Variants in PAN2 observed in about 807,000 individuals in gnomAD.
The protein encoded by PAN2 is poly(A) specific ribonuclease subunit PAN2.
A neutral mutation model predicts 133.3 loss-of-function variants in PAN2; 68 were observed. The ratio of observed to expected loss-of-function variants is 0.51; its 90% confidence interval spans 0.42 to 0.62. The LOEUF is 0.62. Ranked by LOEUF, PAN2 falls within the 20% of genes least tolerant of loss-of-function variation. The pLI is 0.00. For synonymous variants in PAN2, 462 were observed against 544.6 expected (o/e 0.85, Z 2.11); for missense variants, 1,042 against 1,500.5 (o/e 0.69, Z 5.05).
Position 56,327,392 on chromosome 12 carries a change from A to G in PAN2, c.891T>C (p.Thr297=). ...ACTGAGAGATGATAGCAAGACGAGAAGTATATGTAGGAATGAAGCGCAAGA... is the reference window on the plus strand; with the variant it reads ...ACTGAGAGATGATAGCAAGACGAGAGGTATATGTAGGAATGAAGCGCAAGA... ...PAFLRFIPTY[T]SRLAIISQSG... Residue 297 remains threonine (T), a synonymous_variant, in exon 6 of 26, where the codon ACT becomes ACC. Transcript: ENST00000440411. The G allele has an allele frequency of 6.2e-7, 1 of 1,614,180 alleles. No homozygotes were observed.
intron 8 of PAN2, 92 bp from the exon 9 acceptor site, chr12:56,325,546 C>A (rs1426634522): frequency 7.3e-7 from 1 of 1,366,530 alleles, no homozygotes. Flanking sequence ...GCCACCAAGT[C>A]CTGAACCTTC....
rs989256338 is a variant in PAN2, at chr12:56,326,618, T to G, written c.1261A>C (p.Arg421=). The change falls in exon 7 of 26, where the codon AGG becomes CGG. Residue 421 remains arginine (R), a splice_region_variant and synonymous_variant. Transcript: ENST00000440411. ...TTTGGCCCAGAGGTAGGGTACAACC[T>G]GGGAGCTGGAGCAGAGTTGGCAGCA... ...WPAANSAPAP[R]RAPPVDAEIL... is the part of the protein sequence containing the mutation. The G allele has an allele frequency of 5.0e-6, 8 of 1,610,848 alleles. No individual in the cohort carries two copies. The highest frequency in any genetic ancestry group is 6.8e-6 in the Non-Finnish European group (8 of 1,177,814).
In PAN2 at chr12:56,317,439, A is replaced by C; in HGVS notation, c.*170T>G. On this transcript the variant is annotated 3_prime_UTR_variant, in exon 26 of 26. Coordinates refer to ENST00000440411, the MANE Select transcript of PAN2 (RefSeq NM_014871.6). Reference sequence around the variant, plus strand: ...TGAATCTGGCTCCTAGAACCTTTGCAACAATTCTGCTGTGTTCCAGTTCAA... The same window carrying C: ...TGAATCTGGCTCCTAGAACCTTTGCCACAATTCTGCTGTGTTCCAGTTCAA... 1 of 632,014 alleles carries C rather than the reference A, an allele frequency of 1.6e-6. No homozygotes were observed. The highest frequency in any genetic ancestry group is 2.9e-6 in the Non-Finnish European group (1 of 348,364). The allele number at this position is 632,014 out of a possible 1,614,324, so 39.2% of individuals were successfully genotyped here. A position where few individuals can be genotyped will look rare whatever the true frequency, so the allele number is the denominator to read the frequency against.
Position 56,327,490 on chromosome 12 carries a change from G to C in PAN2, c.793C>G (p.Arg265Gly), listed in dbSNP as rs759493723. 6.2e-7 allele frequency: 1 copy of C among 1,614,232 alleles called. No homozygotes were observed. Among genetic ancestry groups the C allele is most frequent in the Non-Finnish European group, 8.5e-7 (1 of 1,180,044 alleles). The change falls in exon 6 of 26, where the codon CGT becomes GGT. Residue 265 changes from arginine (R) to glycine (G), a missense_variant. Physicochemically the swap from Arg to Gly is moderately radical, Grantham distance 125 (BLOSUM62 -2). Transcript: ENST00000440411. ...SSRLTGLACD[R>G]FLKVYDLRMM... ...CGCAAATCATACACCTTGAGGAAAC[G>C]GTCGCAGGCCAGGCCAGTGAGGCGG...
In PAN2 at chr12:56,323,127, G is replaced by A. The variant is rs761017797; in HGVS notation, c.2428C>T (p.Arg810Cys). The change falls in exon 17 of 26, where the codon CGC becomes TGC. Residue 810 changes from arginine (R) to cysteine (C), a missense_variant. Coordinates refer to ENST00000440411, the MANE Select transcript of PAN2 (RefSeq NM_014871.6). The part of the protein sequence containing the change: ...LKNVWLPFSI[R>C]MKMTKNKGLD... ...CCTTTGTTTTTGGTCATCTTCATGC[G>A]AATGGAGAAAGGAAGCCAGACGTTC... 6.2e-6 allele frequency: 10 copies of A among 1,613,956 alleles called. No individual in the cohort carries two copies. The highest frequency in any genetic ancestry group is 4.0e-5 in the African/African-American group (3 of 74,866).
At chr12:56,330,875 T>G (rs1875757699) in intron 2 of PAN2, among the ~76,000 whole-genome samples, 1 of 152,068 alleles carries the variant, frequency 6.6e-6, no homozygotes. Flanking sequence ...CTCAGCTCAC[T>G]GCAACCTCTG....
In PAN2 at chr12:56,325,399, G is replaced by A; in HGVS notation, c.1415C>T (p.Thr472Ile). 6.2e-7 allele frequency: 1 copy of A among 1,614,188 alleles called. No homozygotes were observed. The highest frequency in any genetic ancestry group is 8.5e-7 in the Non-Finnish European group (1 of 1,180,020). The change falls in exon 9 of 26, where the codon ACT (threonine) becomes ATT (isoleucine). Residue 472 changes from threonine to isoleucine, a missense_variant. Thr to Ile is a moderately conservative substitution (Grantham distance 89). Around this residue, in one of 3 missense-constraint regions of PAN2, gnomAD observed 908 missense variants for 1,223.5 expected, o/e 0.74. Transcript: ENST00000440411. ...DSEFDSFSQV[T>I]ESPVGREEEP... ...CTCTTCTCGTCCTACTGGTGACTCA[G>A]TGACCTGGCTGAAGCTGTCAAATTC...
Position 56,323,867 on chromosome 12 carries a change from G to C in PAN2, c.2112C>G (p.Ser704Arg). The change falls in exon 14 of 26, where the codon AGC becomes AGG. Residue 704 changes from serine to arginine, a missense_variant. Coordinates refer to ENST00000440411, the MANE Select transcript of PAN2 (RefSeq NM_014871.6). ...CCTGTGTATTCTGGTCCAGGCAGAT[G>C]CTTCGCTTCAGCACCTGAGCAAAGT... ...NYDFAQVLKRSICLDQNTQAW... is the reference protein window; with the variant it reads ...NYDFAQVLKRRICLDQNTQAW... 1.2e-6 allele frequency: 2 copies of C among 1,614,180 alleles called. No individual in the cohort carries two copies. The highest frequency in any genetic ancestry group is 1.7e-6 in the Non-Finnish European group (2 of 1,179,988).
At chr12:56,318,473 A>G (rs139810000) in intron 24 of PAN2, 39 bp from the exon 25 acceptor site, 5 of 1,537,818 alleles carry the variant, frequency 3.3e-6, no homozygotes, top group Non-Finnish European at 4.5e-6. Context: ...GGACCCAGCA[A>G]AGGGAGGTAG....
chr12:56,317,785 T>C, intron 25 of PAN2, 142 bp from the exon 26 acceptor site: 2 of 714,206 alleles, frequency 2.8e-6, no homozygotes, highest in Non-Finnish European at 5.0e-6. Context: ...GAGGAAGTTA[T>C]AGTTAATGGA....
intron 5 of PAN2, 47 bp downstream of exon 5, chr12:56,327,948 T>C: frequency 6.2e-7 from 1 of 1,612,612 alleles, no homozygotes; most frequent in Non-Finnish European, 8.5e-7. Context: ...ATCAGGTATC[T>C]AGTGAAACAG....
intron 10 of PAN2, 113 bp downstream of exon 10, chr12:56,324,896 G>T: frequency 7.1e-7 from 1 of 1,409,036 alleles, no homozygotes; most frequent in African/African-American, 1.4e-5. Flanking sequence ...TTGTAGAGGA[G>T]ACCATGGTAA....
At chr12:56,326,231 CAAAA>C (rs1464899617) in intron 8 of PAN2, 78 bp downstream of exon 8, 2 of 1,320,462 alleles carry the variant, frequency 1.5e-6, no homozygotes, top group African/African-American at 1.5e-5. Flanking sequence ...GATCTAAAAA[CAAAA>C]GAAAGACTAG....
chr12:56,327,729 CT>C, intron 5 of PAN2, 98 bp from the exon 6 acceptor site: 1 of 1,399,472 alleles, frequency 7.1e-7, no homozygotes, highest in Non-Finnish European at 9.8e-7. Context: ...GGAACTAGGG[CT>C]TTAGGACAGG....
intron 2 of PAN2, among the ~76,000 whole-genome samples, chr12:56,331,721 T>G (rs1192309184): frequency 1.3e-5 from 2 of 151,678 alleles, no homozygotes; most frequent in East Asian, 1.9e-4. Flanking sequence ...TTTTGTTTTT[T>G]GTTTTTTTTT....
chr12:56,324,263 G>A, intron 12 of PAN2, 31 bp downstream of exon 12: 1 of 1,611,582 alleles, frequency 6.2e-7, no homozygotes, highest in Non-Finnish European at 8.5e-7. Context: ...CTGTCATGAT[G>A]GCTTTAACTA....
intron 10 of PAN2, 100 bp from the exon 11 acceptor site, chr12:56,324,809 GGAGTCCACCGAAGCAGT>G: frequency 1.4e-6 from 2 of 1,476,296 alleles, no homozygotes; most frequent in Non-Finnish European, 9.1e-7. Context: ...CCCAGAAGCA[GGAGTCCACCGAAGCAGT>G]GAGTCCACCA....
intron 5 of PAN2, 182 bp from the exon 6 acceptor site, chr12:56,327,813 A>G (rs1489533405): frequency 3.0e-6 from 4 of 1,316,420 alleles, no homozygotes; most frequent in Admixed American, 2.8e-5. Context: ...CTTCATTATC[A>G]TAGAAAACAT....
chr12:56,321,517 A>G (rs1292808218), intron 20 of PAN2, among the ~76,000 whole-genome samples: 2 of 146,432 alleles, frequency 1.4e-5, no homozygotes, highest in African/African-American at 5.0e-5. Flanking sequence ...GCCATAAGCC[A>G]CTGTGCCTGG....
Sources: gnomAD v4.1 joint callset for allele counts (sites outside exome capture counted in the v4.1 genomes callset) on GRCh38, gnomAD v4.1.1 for gene constraint, gnomAD v4.1.1 regional missense constraint, MANE v1.5 for transcripts, NCBI Gene and HGNC (gene_info 2026-07-23, HGNC 2026-07-21) for gene names.